Variants in MAGI1 observed in about 807,000 individuals in gnomAD.
The protein encoded by MAGI1 is membrane associated guanylate kinase, WW and PDZ domain containing 1.
In MAGI1, 58 loss-of-function variants were observed where a neutral mutation model predicts 139.9. That is an observed-to-expected ratio of 0.41 (90% CI 0.34 to 0.52). The LOEUF (loss-of-function observed/expected upper bound fraction) is 0.52. MAGI1 is among the 20% of genes least tolerant of loss of function. The pLI, the probability that MAGI1 is intolerant of heterozygous loss-of-function variation, is 0.12. For synonymous variants in MAGI1, 812 were observed against 737.9 expected (o/e 1.10, Z -1.63); for missense variants, 1,874 against 1,901.6 (o/e 0.99, Z 0.27).
chr3:65,863,981 A>G (rs2108453939), intron 1 of MAGI1, among the ~76,000 whole-genome samples: 1 of 152,244 alleles, frequency 6.6e-6, no homozygotes, highest in Admixed American at 6.5e-5. Context: ...TTAATTGATT[A>G]TTGTCTTGCT....
intron 17 of MAGI1, 106 bp from the exon 18 acceptor site, chr3:65,376,051 T>C: frequency 1.3e-6 from 1 of 790,710 alleles, no homozygotes; most frequent in Non-Finnish European, 2.0e-6. Flanking sequence ...GTTAATAAAT[T>C]AAAGCATTAA....
intron 2 of MAGI1, chr3:65,619,972 C>T (rs1384771845): frequency 1.0e-6 from 1 of 985,242 alleles, no homozygotes; most frequent in Non-Finnish European, 1.2e-6. Flanking sequence ...ATGATTTTTC[C>T]ACTGTTTTTA....
intron 1 of MAGI1, among the ~76,000 whole-genome samples, chr3:65,766,088 T>C (rs930607443): frequency 2.0e-5 from 3 of 152,050 alleles, no homozygotes; most frequent in Admixed American, 1.3e-4. Context: ...TATGGATATT[T>C]ACATTTGCCT....
chr3:65,427,838 C>A (rs191755995), intron 12 of MAGI1, among the ~76,000 whole-genome samples: 2 of 152,258 alleles, frequency 1.3e-5, no homozygotes, highest in East Asian at 1.9e-4. Context: ...TTCATCATCA[C>A]CATCATCATT....
intron 2 of MAGI1, among the ~76,000 whole-genome samples, chr3:65,578,179 G>A (rs1319085154): frequency 1.3e-5 from 2 of 152,094 alleles, no homozygotes; most frequent in African/African-American, 4.8e-5. Context: ...TATTCCTTTT[G>A]CTTTCCCTAA....
chr3:65,863,039 G>C (rs965931437), intron 1 of MAGI1, among the ~76,000 whole-genome samples: 11 of 152,174 alleles, frequency 7.2e-5, no homozygotes, highest in African/African-American at 2.4e-4. Context: ...CATGAAGCCA[G>C]TAATGTACCT....
At chr3:65,888,014 T>C (rs919895494) in intron 1 of MAGI1, among the ~76,000 whole-genome samples, 5 of 152,204 alleles carry the variant, frequency 3.3e-5, no homozygotes, top group Admixed American at 2.6e-4. Flanking sequence ...GTATATTCTG[T>C]GTTTCATAAA....
chr3:65,512,434 G>A (rs1202767662), intron 2 of MAGI1, among the ~76,000 whole-genome samples: 2,227 of 111,718 alleles, frequency 0.02, no homozygotes, highest in African/African-American at 0.049. Context: ...AAAAAAGAGA[G>A]AAGAATCAAA....
intron 2 of MAGI1, among the ~76,000 whole-genome samples, chr3:65,578,695 G>A (rs1241333746): frequency 1.3e-5 from 2 of 152,220 alleles, no homozygotes; most frequent in African/African-American, 4.8e-5. Flanking sequence ...CGAGGTGGGT[G>A]GATCACTTGA....
chr3:65,918,710 C>T (rs900267338), intron 1 of MAGI1, among the ~76,000 whole-genome samples: 1 of 152,042 alleles, frequency 6.6e-6, no homozygotes, highest in Non-Finnish European at 1.5e-5. Context: ...TTTCTTTTGC[C>T]AACAAATGAG....
chr3:65,757,371 A>G (rs1679239004), intron 1 of MAGI1, among the ~76,000 whole-genome samples: 1 of 152,198 alleles, frequency 6.6e-6, no homozygotes, highest in Admixed American at 6.5e-5. Flanking sequence ...CTGGCCGGGT[A>G]TGGTGGCTCA....
chr3:65,610,742 G>GTATATACTATCTACTATATATA (rs11276480), intron 2 of MAGI1, among the ~76,000 whole-genome samples: 9 of 121,318 alleles, frequency 7.4e-5, no homozygotes, highest in South Asian at 4.9e-4. Flanking sequence ...ATAGTATATA[G>GTATATACTATCTACTATATATA]TATATATACA....
At chr3:65,392,479 G>C (rs1299778776) in intron 13 of MAGI1, among the ~76,000 whole-genome samples, 11 of 152,106 alleles carry the variant, frequency 7.2e-5, no homozygotes, top group African/African-American at 2.7e-4. Context: ...CTCTTTTATA[G>C]ATCCTGTAGA....
rs368627199 is a variant in MAGI1 at position 65,931,473 on chromosome 3, C to G, written c.313+106523G>C. On this transcript the variant is annotated intron_variant, in intron 1 of 22. Coordinates refer to ENST00000402939, the MANE Select transcript of MAGI1 (RefSeq NM_001033057.2). ...TTGAACACAGGAGTTCCAGACCAGC[C>G]AGGGCAACATGGCGAAGCCCTGTGT... 2.1e-4 allele frequency among the ~76,000 whole-genome samples: 32 copies of G among 152,256 alleles called. No individual in the cohort carries two copies. The South Asian group carries it at 3.1e-3, about 15-fold the overall frequency.
At chr3:65,834,858 A>G (rs2042721760) in intron 1 of MAGI1, among the ~76,000 whole-genome samples, 1 of 152,162 alleles carries the variant, frequency 6.6e-6, no homozygotes, top group South Asian at 2.1e-4. Flanking sequence ...TGGTAATTTT[A>G]CTTGCTATGA....
At chr3:65,688,490 T>C in intron 1 of MAGI1, 2 of 453,142 alleles carry the variant, frequency 4.4e-6, no homozygotes, top group South Asian at 3.8e-5. Context: ...CTCCCTTTCC[T>C]ACCCAAGGGG....
At chr3:65,734,254 G>A (rs1335793709) in intron 1 of MAGI1, among the ~76,000 whole-genome samples, 1 of 151,968 alleles carries the variant, frequency 6.6e-6, no homozygotes. Flanking sequence ...TTGATCCCAG[G>A]AGTTCGAGCA....
At chr3:65,411,293 C>T (rs1178298648) in intron 12 of MAGI1, among the ~76,000 whole-genome samples, 1 of 152,180 alleles carries the variant, frequency 6.6e-6, no homozygotes, top group Non-Finnish European at 1.5e-5. Flanking sequence ...ACCATACCGA[C>T]AACTTGAGGC....
chr3:65,861,954 G>C (rs1056725838), intron 1 of MAGI1, among the ~76,000 whole-genome samples: 1 of 152,148 alleles, frequency 6.6e-6, no homozygotes, highest in South Asian at 2.1e-4. Context: ...CAACCGGTAA[G>C]ACCTCTTGCA....
Sources: gnomAD v4.1 joint callset for allele counts (sites outside exome capture counted in the v4.1 genomes callset) on GRCh38, gnomAD v4.1.1 for gene constraint, MANE v1.5 for transcripts, NCBI Gene and HGNC (gene_info 2026-07-23, HGNC 2026-07-21) for gene names.